The following EFCAB7 variants were observed in gnomAD, a reference collection of about 807,000 sequenced individuals.
EFCAB7 encodes the protein EF-hand calcium binding domain 7, also known as EF-hand calcium-binding domain-containing protein 7.
A neutral mutation model predicts 77.1 loss-of-function variants in EFCAB7; 66 were observed. The observed-to-expected ratio is 0.86, with a 90% CI of 0.70 to 1.05. EFCAB7 has a LOEUF of 1.05. EFCAB7 is among the 50% of genes least tolerant of loss of function. The probability of loss-of-function intolerance (pLI) is 0.00; values close to 1 mark genes in which losing one functional copy is unlikely to be tolerated. For synonymous variants in EFCAB7, 225 were observed against 243.3 expected (o/e 0.92, Z 0.70); for missense variants, 638 against 730.5 (o/e 0.87, Z 1.46).
In EFCAB7 at chr1:63,533,191, TA is replaced by T. The variant is rs200839850; in HGVS notation, c.487-256del. 4.4e-4 allele frequency among the ~76,000 whole-genome samples: 67 copies of T among 152,148 alleles called. 1 individual carries two copies. In the East Asian group the frequency reaches 0.012, roughly 28 times the overall value. On this transcript the variant is annotated intron_variant, in intron 4 of 13. Transcript: ENST00000371088. ...AACAAATGCAAGCCTACACATCTTG[TA>T]AAAAAATAATAATAAATCACCTCTC... is the stretch of plus-strand genomic sequence containing the variant.
chr1:63,578,124 CAG>C, the EFCAB7 span, among the ~76,000 whole-genome samples: 2 of 152,126 alleles, frequency 1.3e-5, no homozygotes, highest in Non-Finnish European at 2.9e-5. Context: ...CTGGAAGAAT[CAG>C]GGGAACCTGA....
At chr1:63,574,055 A>G (rs1423447099), downstream of EFCAB7, among the ~76,000 whole-genome samples, 1 of 152,118 alleles carries the variant, frequency 6.6e-6, no homozygotes, top group African/African-American at 2.4e-5. Context: ...AAAGGCCTCT[A>G]CCCATCCAAT....
chr1:63,558,660 A>C (rs982821343), intron 10 of EFCAB7, among the ~76,000 whole-genome samples: 9 of 152,226 alleles, frequency 5.9e-5, no homozygotes, highest in Non-Finnish European at 8.8e-5. Flanking sequence ...CTGAATAATA[A>C]GAAAATGTAC....
chr1:63,553,307 C>A (rs1646988108), intron 8 of EFCAB7, among the ~76,000 whole-genome samples: 1 of 152,114 alleles, frequency 6.6e-6, no homozygotes, highest in African/African-American at 2.4e-5. Flanking sequence ...TTATGCTTTT[C>A]AAAGGATGGA....
intron 11 of EFCAB7, among the ~76,000 whole-genome samples, chr1:63,566,028 T>C (rs948829783): frequency 2.3e-4 from 35 of 152,210 alleles, no homozygotes; most frequent in Admixed American, 2.0e-3. Flanking sequence ...TAAATTGTTT[T>C]ATAAAGACAC....
At chr1:63,570,993 A>T (rs748317299) in intron 12 of EFCAB7, 28 bp from the exon 13 acceptor site, 1 of 1,482,032 alleles carries the variant, frequency 6.7e-7, no homozygotes, top group South Asian at 1.2e-5. Context: ...AGAAAGGAAT[A>T]GCAGCTTATG....
chr1:63,580,212 T>C, the EFCAB7 span, among the ~76,000 whole-genome samples: 4 of 152,226 alleles, frequency 2.6e-5, no homozygotes, highest in Non-Finnish European at 1.5e-5. Flanking sequence ...TACATTTATA[T>C]GTGTGATGCA....
At position 63,557,100 on chromosome 1, in the gene EFCAB7, T is replaced by G. The variant is rs1647040524; in HGVS notation, c.1215-14T>G. 2 of 1,553,300 alleles carry G rather than the reference T, an allele frequency of 1.3e-6. No homozygotes were observed. The highest frequency in any genetic ancestry group is 1.2e-5 in the South Asian group (1 of 83,112). On this transcript the variant is annotated splice_polypyrimidine_tract_variant and intron_variant, in intron 9 of 13. Coordinates refer to ENST00000371088, the MANE Select transcript of EFCAB7 (RefSeq NM_032437.4). ...TTAGTGACAAGAAATAACTAGCTAT[T>G]TTTATAATTTTAGGTCTACTTTATC...
chr1:63,557,224 A>C lies in EFCAB7; in HGVS notation c.1325A>C (p.Glu442Ala). 1 of 1,609,898 alleles carries C rather than the reference A, an allele frequency of 6.2e-7. No homozygotes were observed. Among genetic ancestry groups the C allele is most frequent in the Non-Finnish European group, 8.5e-7 (1 of 1,179,072 alleles). Residue 442 changes from glutamate (E) to alanine (A), a missense_variant, in exon 10 of 14, where the codon GAA (glutamate) becomes GCA (alanine). Physicochemically the swap from Glu to Ala is moderately radical, Grantham distance 107. Transcript: ENST00000371088. ...ELRTSGEKCD[E>A]DAWAVCRENF... ...AGAACAAGTGGTGAGAAATGTGATG[A>C]AGATGCTTGGGCTGTCTGCAGAGGT...
At chr1:63,561,920 T>C in intron 11 of EFCAB7, 63 bp downstream of exon 11, 2 of 1,266,690 alleles carry the variant, frequency 1.6e-6, no homozygotes, top group Non-Finnish European at 2.1e-6. Flanking sequence ...TTTATGAACA[T>C]TTTCCTGACA....
chr1:63,576,098 C>T (rs1183125705), downstream of EFCAB7, among the ~76,000 whole-genome samples: 2 of 152,100 alleles, frequency 1.3e-5, no homozygotes, highest in Non-Finnish European at 2.9e-5. Context: ...AAAAATAAAG[C>T]AAATAGTGGA....
rs1198307039 is a variant in EFCAB7, at chr1:63,568,478, T to TA, written c.1667dup (p.Tyr556Ter). 4 of 1,596,992 alleles carry TA rather than the reference T, an allele frequency of 2.5e-6. No individual in the cohort carries two copies. Among genetic ancestry groups the TA allele is most frequent in the Admixed American group, 1.8e-5 (1 of 55,686 alleles). Reference protein sequence around the residue: ...DGYENIIVHTYSCDTWITSVI... With the variant: ...DGYENIIVHT Reference sequence around the variant, plus strand: ...CTATGAAAATATAATCGTGCATACTTACAGTTGTGACACCTGGATAACGTC... The same window carrying TA: ...CTATGAAAATATAATCGTGCATACTTAACAGTTGTGACACCTGGATAACGTC... Residue 556 changes from tyrosine to a stop codon, truncating the protein, a stop_gained and frameshift_variant, in exon 12 of 14, where the codon TAC becomes TAAC. Transcript: ENST00000371088. LOFTEE classifies it high-confidence loss of function.
chr1:63,546,559 G>A (rs1646901177), intron 7 of EFCAB7, among the ~76,000 whole-genome samples: 1 of 152,024 alleles, frequency 6.6e-6, no homozygotes, highest in Admixed American at 6.6e-5. Flanking sequence ...GTAGAGACAG[G>A]GTTTCACCAT....
At chr1:63,546,490 C>T (rs188191035) in intron 7 of EFCAB7, among the ~76,000 whole-genome samples, 167 of 152,042 alleles carry the variant, frequency 1.1e-3, no homozygotes, top group African/African-American at 3.6e-3. Context: ...TCAGCCTCCC[C>T]GAGTAGCTGG....
intron 13 of EFCAB7, among the ~76,000 whole-genome samples, chr1:63,571,440 G>A (rs1647254219): frequency 6.6e-6 from 1 of 152,060 alleles, no homozygotes; most frequent in African/African-American, 2.4e-5. Context: ...TTGGGAGGCC[G>A]AGGTGGGTGG....
chr1:63,582,347 T>C, the EFCAB7 span, among the ~76,000 whole-genome samples: 1 of 152,204 alleles, frequency 6.6e-6, no homozygotes, highest in African/African-American at 2.4e-5. Context: ...GGATTGAGGT[T>C]TGCAGATGTG....
chr1:63,560,311 T>C (rs1647081570), intron 10 of EFCAB7, among the ~76,000 whole-genome samples: 1 of 152,050 alleles, frequency 6.6e-6, no homozygotes, highest in South Asian at 2.1e-4. Context: ...AAAAAGTAGA[T>C]TCGTTTTTGA....
downstream of EFCAB7, among the ~76,000 whole-genome samples, chr1:63,575,637 C>G (rs1397442594): frequency 6.6e-6 from 1 of 152,036 alleles, no homozygotes; most frequent in African/African-American, 2.4e-5. Context: ...TCAGGCTGGA[C>G]TGCAGTGGTG....
At chr1:63,556,639 T>C (rs1647033561) in intron 9 of EFCAB7, among the ~76,000 whole-genome samples, 1 of 152,220 alleles carries the variant, frequency 6.6e-6, no homozygotes, top group Non-Finnish European at 1.5e-5. Flanking sequence ...AATACTGGAC[T>C]GAGCCAAAAC....
Sources: gnomAD v4.1 joint callset for allele counts (sites outside exome capture counted in the v4.1 genomes callset) on GRCh38, gnomAD v4.1.1 for gene constraint, MANE v1.5 for transcripts, NCBI Gene and HGNC (gene_info 2026-07-23, HGNC 2026-07-21) for gene names.